Variants in DUOX1 observed in about 807,000 individuals in gnomAD.
DUOX1 encodes dual oxidase 1.
Under a neutral mutation model 181.8 loss-of-function variants are expected in DUOX1, and 134 were observed. The ratio of observed to expected loss-of-function variants is 0.74; its 90% CI spans 0.64 to 0.85. DUOX1 has a LOEUF of 0.85. Among genes scored for constraint, DUOX1 ranks in the 40% least tolerant of loss-of-function variants. The pLI is 0.00. For synonymous variants in DUOX1, 798 were observed against 832.5 expected, an observed-to-expected ratio of 0.96 and a Z score of 0.71; for missense variants, 1,814 against 2,064.4, an observed-to-expected ratio of 0.88 and a Z score of 2.35.
At chr15:45,152,577 C>G in intron 25 of DUOX1, 61 bp downstream of exon 25, 2 of 1,422,718 alleles carry the variant, frequency 1.4e-6, no homozygotes, top group South Asian at 1.2e-5. Context: ...GACTTCCCCT[C>G]GTATGAGAGC....
At chr15:45,151,696 A>G in intron 23 of DUOX1, 178 bp from the exon 24 acceptor site, 3 of 625,704 alleles carry the variant, frequency 4.8e-6, no homozygotes, top group Non-Finnish European at 8.1e-6. Flanking sequence ...TTGCTTATGC[A>G]GTGCAATATA....
At position 45,144,979 on chromosome 15, in the gene DUOX1, C is replaced by T; in HGVS notation, c.2221C>T (p.Gln741Ter). The T allele has an allele frequency of 6.2e-7, 1 of 1,613,882 alleles. No homozygotes were observed. The highest frequency in any genetic ancestry group is 8.5e-7 in the Non-Finnish European group (1 of 1,179,954). Residue 741 changes from glutamine to a stop codon, truncating the protein, a stop_gained, in exon 18 of 34, where the codon CAG becomes TAG. Transcript: ENST00000389037. LOFTEE classifies it high-confidence loss of function. ...GALKESGLSI[Q>*]EWELREQELM... ...TCTGAAGGAGAGCGGGTTGAGCATC[C>T]AGGAGTGGGAGCTGCGGGAGCAGGA...
At chr15:45,164,595 A>C (rs1897182415) in intron 33 of DUOX1, among the ~76,000 whole-genome samples, 184 bp from the exon 34 acceptor site, 1 of 151,948 alleles carries the variant, frequency 6.6e-6, no homozygotes, top group Non-Finnish European at 1.5e-5. Flanking sequence ...CAGCCTCCCA[A>C]GTAGCTGGGA....
At chr15:45,138,675 C>T in intron 10 of DUOX1, 1 of 184,352 alleles carries the variant, frequency 5.4e-6, no homozygotes, top group Non-Finnish European at 1.1e-5. Context: ...GTGTCCCCCT[C>T]ATCAGAGTCC....
At chr15:45,150,758 C>T (rs1179659844) in intron 22 of DUOX1, 57 bp downstream of exon 22, 8 of 1,550,060 alleles carry the variant, frequency 5.2e-6, no homozygotes, top group South Asian at 1.1e-5. Flanking sequence ...CATTTCTCTC[C>T]CCTGAATGGC....
Position 45,139,054 on chromosome 15 carries a change from C to T in DUOX1, c.1114-12C>T, listed in dbSNP as rs200335004. The T allele has an allele frequency of 1.1e-3, 1,790 of 1,611,748 alleles. 3 individuals are homozygous for T. Among genetic ancestry groups the T allele is most frequent in the South Asian group, 1.1e-3 (104 of 90,606 alleles). On this transcript the variant is annotated splice_polypyrimidine_tract_variant and intron_variant, in intron 10 of 33. Transcript: ENST00000389037. ...ACCACACCCCTTTCCTCCCCACCCC[C>T]AACCTATAAAGCACCCAAGCCTACA...
rs1896265022 is a variant in DUOX1, at chr15:45,135,220, G to A, written c.424G>A (p.Val142Met). 6 of 1,613,590 alleles carry A rather than the reference G, an allele frequency of 3.7e-6. No homozygotes were observed. The highest frequency in any genetic ancestry group is 5.1e-6 in the Non-Finnish European group (6 of 1,180,002). ...PMFDPDQRGD[V>M]VLPFQRSRWD... ...GTTCGACCCCGACCAGCGCGGGGACGTGGTGCTGCCCTTCCAGAGAAGCCG... is the reference window on the plus strand; with the variant it reads ...GTTCGACCCCGACCAGCGCGGGGACATGGTGCTGCCCTTCCAGAGAAGCCG... The change falls in exon 5 of 34, where the codon GTG becomes ATG. Residue 142 changes from valine (V) to methionine (M), a missense_variant. Val to Met is a conservative substitution (Grantham distance 21, BLOSUM62 1). Transcript: ENST00000389037.
intron 21 of DUOX1, chr15:45,150,350 A>G (rs1198196933): frequency 2.2e-6 from 1 of 456,718 alleles, no homozygotes; most frequent in African/African-American, 2.0e-5. Context: ...ACAGTTCCCG[A>G]AATCTACCCC....
At chr15:45,139,757 G>A (rs1208609664) in intron 12 of DUOX1, 158 bp downstream of exon 12, 2 of 841,408 alleles carry the variant, frequency 2.4e-6, no homozygotes, top group Non-Finnish European at 3.6e-6. Context: ...TACATATCAG[G>A]ATGAAGATTA....
intron 12 of DUOX1, chr15:45,140,124 G>A (rs989806161): frequency 2.0e-4 from 230 of 1,136,270 alleles, no homozygotes; most frequent in Non-Finnish European, 2.7e-4. Flanking sequence ...TGATGGTGCT[G>A]AACAGGGGTC....
At chr15:45,141,187 C>T in intron 13 of DUOX1, 105 bp from the exon 14 acceptor site, 3 of 1,561,402 alleles carry the variant, frequency 1.9e-6, no homozygotes, top group South Asian at 2.2e-5. Flanking sequence ...CCACCCACTT[C>T]CCAACACCTC....
intron 33 of DUOX1, among the ~76,000 whole-genome samples, chr15:45,164,465 CT>C (rs367822535): frequency 0.016 from 2,277 of 141,200 alleles, 5 homozygotes; most frequent in Non-Finnish European, 0.019. Context: ...GCACTGCTGG[CT>C]TTTTTTTTTT....
intron 18 of DUOX1, among the ~76,000 whole-genome samples, chr15:45,147,183 G>A (rs1158418929): frequency 1.6e-4 from 24 of 152,220 alleles, no homozygotes. Context: ...CACACTTTCT[G>A]AGCTTTCTTG....
chr15:45,136,746 C>G, intron 9 of DUOX1, 121 bp downstream of exon 9: 2 of 869,848 alleles, frequency 2.3e-6, no homozygotes, highest in Middle Eastern at 3.4e-4. Flanking sequence ...AGGGAAAGAC[C>G]GATAGAGAGG....
intron 2 of DUOX1, among the ~76,000 whole-genome samples, chr15:45,132,595 G>C (rs1896182008): frequency 6.6e-6 from 1 of 152,184 alleles, no homozygotes; most frequent in Non-Finnish European, 1.5e-5. Flanking sequence ...AAAAGATCAA[G>C]TCCCTGATCA....
chr15:45,141,850 C>T, intron 14 of DUOX1, 125 bp from the exon 15 acceptor site: 1 of 1,067,692 alleles, frequency 9.4e-7, no homozygotes, highest in South Asian at 1.6e-5. Context: ...TTACCCAAGG[C>T]AGCCCCTTCC....
chr15:45,148,350 G>A lies in DUOX1; in HGVS notation c.2721G>A (p.Ser907=), dbSNP rs746706345. 5.5e-5 allele frequency: 88 copies of A among 1,614,060 alleles called. No homozygotes were observed. The highest frequency in any genetic ancestry group is 3.3e-4 in the Admixed American group (20 of 60,006). Residue 907 remains serine (S), a synonymous_variant, in exon 21 of 34, where the codon TCG becomes TCA. Coordinates refer to ENST00000389037, the MANE Select transcript of DUOX1 (RefSeq NM_175940.3). ...TGGTGGAGTCCATGTTCCGGGAGTCGGGATTCCAGGACAAGGAGGAACTGA... is the reference window on the plus strand; with the variant it reads ...TGGTGGAGTCCATGTTCCGGGAGTCAGGATTCCAGGACAAGGAGGAACTGA... The part of the protein sequence containing the change: ...AEVVESMFRE[S]GFQDKEELTW...
At chr15:45,150,783 C>A in intron 22 of DUOX1, 82 bp downstream of exon 22, 1 of 1,332,362 alleles carries the variant, frequency 7.5e-7, no homozygotes, top group Non-Finnish European at 1.1e-6. Flanking sequence ...ATCAGGGCCA[C>A]CGCTAGCCCA....
In DUOX1 at chr15:45,160,907, T is replaced by C. The variant is rs1261929762; in HGVS notation, c.3773T>C (p.Ile1258Thr). ...CACATCTTCTTCCTGGTCCCAGCAA[T>C]CATCTATGGGGGCGACAAGCTGGTG... ...RFHIFFLVPA[I>T]IYGGDKLVSL... is the part of the protein sequence containing the mutation. Residue 1258 changes from isoleucine to threonine, a missense_variant, in exon 29 of 34, where the codon ATC (isoleucine) becomes ACC (threonine). Transcript: ENST00000389037. 1 of 1,613,776 alleles carries C rather than the reference T, an allele frequency of 6.2e-7. No individual in the cohort carries two copies. The highest frequency in any genetic ancestry group is 8.5e-7 in the Non-Finnish European group (1 of 1,179,912).
Sources: allele counts gnomAD v4.1 joint callset (sites outside exome capture counted in the v4.1 genomes callset), GRCh38; gene constraint gnomAD v4.1.1; transcripts MANE v1.5; gene names NCBI Gene and HGNC (gene_info 2026-07-23, HGNC 2026-07-21).